Variants in PARVG observed in about 807,000 individuals in gnomAD.
PARVG encodes parvin gamma.
PARVG carries 36 observed loss-of-function variants against 44.4 expected under a neutral mutation model. That is an observed-to-expected ratio of 0.81 (90% confidence interval 0.62 to 1.07). The LOEUF is 1.07. PARVG is among the 50% of genes least tolerant of loss of function. The pLI is 0.00. For missense variants in PARVG, 407 were observed against 407.4 expected, an observed-to-expected ratio of 1.00 and a Z score of 0.01; for synonymous variants, 170 against 174.1, an observed-to-expected ratio of 0.98 and a Z score of 0.19.
chr22:44,195,924 G>A (rs1440728148), intron 9 of PARVG, among the ~76,000 whole-genome samples: 1 of 152,184 alleles, frequency 6.6e-6, no homozygotes, highest in Non-Finnish European at 1.5e-5. Flanking sequence ...TTCCATCTCT[G>A]CAACAACCCC....
intron 1 of PARVG, among the ~76,000 whole-genome samples, chr22:44,173,796 A>T (rs1315871440): frequency 6.6e-6 from 1 of 152,168 alleles, no homozygotes; most frequent in Non-Finnish European, 1.5e-5. Context: ...GGTTCTGGGC[A>T]GGTAGCTGGT....
Position 44,193,794 on chromosome 22 carries a change from T to C in PARVG, c.561-7T>C. 6 of 1,613,254 alleles carry C rather than the reference T, an allele frequency of 3.7e-6. No individual in the cohort carries two copies. The highest frequency in any genetic ancestry group is 5.1e-6 in the Non-Finnish European group (6 of 1,179,750). On this transcript the variant is annotated splice_region_variant and splice_polypyrimidine_tract_variant and intron_variant, in intron 8 of 13. Coordinates refer to ENST00000444313, the MANE Select transcript of PARVG (RefSeq NM_022141.7). ...CCATTTGTTTGCTTTTTCCACCCACTGCACAGCACAGACAAGGACGAGCCT... is the reference window on the plus strand; with the variant it reads ...CCATTTGTTTGCTTTTTCCACCCACCGCACAGCACAGACAAGGACGAGCCT...
In PARVG at chr22:44,206,417, C is replaced by G; in HGVS notation, c.987C>G (p.Ala329=). ...ACAGGGACAGGACGCCCCATGGAGCCCCGAATTGACCCTCACTGCCTCCAA... is the reference window on the plus strand; with the variant it reads ...ACAGGGACAGGACGCCCCATGGAGCGCCGAATTGACCCTCACTGCCTCCAA... ...KAHRDRTPHG[A]PN is the part of the protein sequence containing the mutation. Residue 329 remains alanine (A), a synonymous_variant, in exon 14 of 14, where the codon GCC becomes GCG. Coordinates refer to ENST00000444313, the MANE Select transcript of PARVG (RefSeq NM_022141.7). 1 of 1,613,886 alleles carries G rather than the reference C, an allele frequency of 6.2e-7. No homozygotes were observed. The highest frequency in any genetic ancestry group is 8.5e-7 in the Non-Finnish European group (1 of 1,179,930).
chr22:44,173,715 G>C (rs2147208911), intron 1 of PARVG, among the ~76,000 whole-genome samples: 1 of 152,314 alleles, frequency 6.6e-6, no homozygotes, highest in East Asian at 1.9e-4. Flanking sequence ...TTCTTTCAAA[G>C]TCAGCCATTG....
chr22:44,205,854 C>T (rs368402726), intron 13 of PARVG, 25 bp downstream of exon 13: 644 of 1,609,310 alleles, frequency 4.0e-4, no homozygotes, highest in Non-Finnish European at 5.2e-4. Flanking sequence ...GATGCCCACA[C>T]GGTGGCCAGC....
At chr22:44,203,707 A>G (rs899957980) in intron 12 of PARVG, among the ~76,000 whole-genome samples, 1 of 152,236 alleles carries the variant, frequency 6.6e-6, no homozygotes, top group Non-Finnish European at 1.5e-5. Context: ...AGAATATTCC[A>G]GTCTAGGAGG....
chr22:44,176,107 C>G (rs2054316991), upstream of PARVG, among the ~76,000 whole-genome samples: 2 of 152,254 alleles, frequency 1.3e-5, no homozygotes, highest in Admixed American at 1.3e-4. Context: ...AATGTATTGC[C>G]AAGGTGAGCC....
upstream of PARVG, among the ~76,000 whole-genome samples, chr22:44,176,742 C>T (rs1053080085): frequency 6.6e-6 from 1 of 151,884 alleles, no homozygotes; most frequent in Non-Finnish European, 1.5e-5. Flanking sequence ...TTAATCCATT[C>T]TCATGCTGCT....
intron 12 of PARVG, among the ~76,000 whole-genome samples, chr22:44,199,895 C>T (rs944991116): frequency 7.2e-5 from 11 of 152,158 alleles, no homozygotes; most frequent in African/African-American, 1.9e-4. Flanking sequence ...GCAGTTCCCA[C>T]GTGGACCCTA....
At chr22:44,175,139 G>T (rs1333128603) in intron 1 of PARVG, among the ~76,000 whole-genome samples, 2 of 152,172 alleles carry the variant, frequency 1.3e-5, no homozygotes, top group African/African-American at 4.8e-5. Context: ...AAAAAACATT[G>T]CTTCTGTCCC....
intron 3 of PARVG, 144 bp downstream of exon 3, chr22:44,183,552 A>G: frequency 1.5e-6 from 1 of 687,442 alleles, no homozygotes; most frequent in East Asian, 3.1e-5. Context: ...CTTCTGCTTT[A>G]TGCTTGACCT....
chr22:44,191,043 G>T (rs1283081272), intron 7 of PARVG, among the ~76,000 whole-genome samples: 6 of 152,212 alleles, frequency 3.9e-5, no homozygotes, highest in Non-Finnish European at 7.3e-5. Flanking sequence ...CAAAACCAAT[G>T]CTCTCACCAT....
At chr22:44,188,936 AGC>A in intron 5 of PARVG, 176 bp from the exon 6 acceptor site, 1 of 674,534 alleles carries the variant, frequency 1.5e-6, no homozygotes, top group Non-Finnish European at 2.4e-6. Context: ...GTCTCCTGGA[AGC>A]TGGAGGGCAT....
At chr22:44,190,940 C>G (rs1349301107) in intron 7 of PARVG, among the ~76,000 whole-genome samples, 1 of 152,222 alleles carries the variant, frequency 6.6e-6, no homozygotes, top group Non-Finnish European at 1.5e-5. Flanking sequence ...GGGCATCTGG[C>G]TGGCAGAGGC....
At chr22:44,175,690 G>C (rs1015980001) in intron 1 of PARVG, among the ~76,000 whole-genome samples, 4 of 152,300 alleles carry the variant, frequency 2.6e-5, no homozygotes, top group Admixed American at 6.5e-5. Flanking sequence ...GGTGTGGGGG[G>C]GTGGGGGTGT....
chr22:44,186,915 C>A (rs1220676075), intron 4 of PARVG: 3 of 325,154 alleles, frequency 9.2e-6, no homozygotes, highest in Non-Finnish European at 1.9e-5. Flanking sequence ...CGACAACCTC[C>A]TGACAACCTT....
chr22:44,177,124 T>C (rs925752807), upstream of PARVG, among the ~76,000 whole-genome samples: 2 of 152,172 alleles, frequency 1.3e-5, no homozygotes, highest in Non-Finnish European at 2.9e-5. Flanking sequence ...AATGTTAACA[T>C]TTTTACTTTA....
intron 4 of PARVG, 45 bp downstream of exon 4, chr22:44,185,917 C>T (rs1224985303): frequency 1.3e-6 from 2 of 1,564,162 alleles, no homozygotes; most frequent in Admixed American, 1.7e-5. Flanking sequence ...TGCCTCTTGG[C>T]AGACCAGGCA....
In PARVG at chr22:44,181,097, T is replaced by A. The variant is rs2054368932; in HGVS notation, c.-277T>A. 4.5e-5 allele frequency: 28 copies of A among 628,080 alleles called. No individual in the cohort carries two copies. The highest frequency in any genetic ancestry group is 5.6e-5 in the Non-Finnish European group (28 of 503,470). 38.9% of individuals were successfully genotyped at this position (628,080 alleles called of 1,614,324 possible). On this transcript the variant is annotated 5_prime_UTR_variant, in exon 1 of 14. Coordinates refer to ENST00000444313, the MANE Select transcript of PARVG (RefSeq NM_022141.7). ...CAGCCGTCAAGGCCCCATTCTCCTC[T>A]GGAAAGCCTTCCCGATCCCCTTGGC...
Sources: gnomAD v4.1 joint callset for allele counts (sites outside exome capture counted in the v4.1 genomes callset) on GRCh38, gnomAD v4.1.1 for gene constraint, MANE v1.5 for transcripts, NCBI Gene and HGNC (gene_info 2026-07-23, HGNC 2026-07-21) for gene names.